The following PDZRN4 variants were observed in gnomAD, a reference collection of about 807,000 sequenced individuals.
The protein encoded by PDZRN4 is PDZ domain-containing RING finger protein 4.
A neutral mutation model predicts 99.0 loss-of-function variants in PDZRN4; 70 were observed. That is an observed-to-expected ratio of 0.71 (90% CI 0.58 to 0.86). PDZRN4 has a LOEUF of 0.86. PDZRN4 is among the 40% of genes least tolerant of loss of function. PDZRN4 has a pLI of 0.00. For missense variants in PDZRN4, 1,474 were observed against 1,331.2 expected (o/e 1.11, Z -1.67); for synonymous variants, 551 against 501.6 (o/e 1.10, Z -1.32).
intron 3 of PDZRN4, among the ~76,000 whole-genome samples, chr12:41,447,941 G>C (rs1041686568): frequency 6.6e-6 from 1 of 152,112 alleles, no homozygotes; most frequent in African/African-American, 2.4e-5. Context: ...AAAGAAGTAA[G>C]AGAATCAATA....
chr12:41,193,940 A>G (rs1376911185), intron 2 of PDZRN4, 141 bp from the exon 3 acceptor site: 8 of 592,630 alleles, frequency 1.3e-5, no homozygotes, highest in Non-Finnish European at 2.1e-5. Context: ...GTGTTAAGTA[A>G]GTTAAAATTC....
chr12:41,492,388 G>C (rs965981166), intron 3 of PDZRN4, among the ~76,000 whole-genome samples: 23 of 152,280 alleles, frequency 1.5e-4, no homozygotes, highest in Non-Finnish European at 3.1e-4. Context: ...GGTCAGAAGA[G>C]CAAAATTATG....
chr12:41,306,763 C>T (rs1951573010), intron 3 of PDZRN4, among the ~76,000 whole-genome samples: 1 of 152,198 alleles, frequency 6.6e-6, no homozygotes, highest in South Asian at 2.1e-4. Context: ...AACACTTTCA[C>T]TCCCAAGTTC....
At chr12:41,488,643 A>G (rs1037032372) in intron 3 of PDZRN4, among the ~76,000 whole-genome samples, 2 of 152,198 alleles carry the variant, frequency 1.3e-5, no homozygotes, top group Admixed American at 6.5e-5. Context: ...GCCATAGTGG[A>G]AGAACGACAA....
chr12:41,381,047 C>T (rs1375105761), intron 3 of PDZRN4, among the ~76,000 whole-genome samples: 1 of 152,040 alleles, frequency 6.6e-6, no homozygotes, highest in African/African-American at 2.4e-5. Flanking sequence ...ACATATCACC[C>T]CACTGTCTGC....
Position 41,439,831 on chromosome 12 carries a change from A to G in PDZRN4, c.844-66625A>G, listed in dbSNP as rs766342544. 5.4e-4 allele frequency among the ~76,000 whole-genome samples: 82 copies of G among 152,206 alleles called. 1 individual carries two copies. The highest frequency in any genetic ancestry group is 7.3e-5 in the Non-Finnish European group (5 of 68,034). On this transcript the variant is annotated intron_variant, in intron 3 of 9. Coordinates refer to ENST00000402685, the MANE Select transcript of PDZRN4 (RefSeq NM_001164595.2). ...TTAACTGGCTTTTATTAGATAAGCTAAAGCCCCAGCTTAAAGGTCTTGCAT... is the reference window on the plus strand; with the variant it reads ...TTAACTGGCTTTTATTAGATAAGCTGAAGCCCCAGCTTAAAGGTCTTGCAT...
chr12:41,289,658 C>T (rs1252338679), intron 3 of PDZRN4, among the ~76,000 whole-genome samples: 1 of 151,402 alleles, frequency 6.6e-6, no homozygotes, highest in Non-Finnish European at 1.5e-5. Flanking sequence ...GCACGGCATG[C>T]TTTCACGCAT....
intron 3 of PDZRN4, among the ~76,000 whole-genome samples, chr12:41,416,677 C>A (rs569016800): frequency 1.3e-5 from 2 of 152,116 alleles, no homozygotes; most frequent in African/African-American, 4.8e-5. Context: ...AGAAAATGGT[C>A]TTTTACTTTT....
At chr12:41,408,815 C>A (rs530907692) in intron 3 of PDZRN4, among the ~76,000 whole-genome samples, 1 of 151,282 alleles carries the variant, frequency 6.6e-6, no homozygotes, top group Non-Finnish European at 1.5e-5. Flanking sequence ...GTCTCTCTTG[C>A]GCTCTCTCTC....
chr12:41,256,839 T>A (rs1176526345), intron 3 of PDZRN4, among the ~76,000 whole-genome samples: 1 of 152,182 alleles, frequency 6.6e-6, no homozygotes, highest in Non-Finnish European at 1.5e-5. Context: ...TGTCCATTCA[T>A]CCAATTGAAT....
At chr12:41,199,114 C>G (rs1566353716) in intron 3 of PDZRN4, among the ~76,000 whole-genome samples, 1 of 152,074 alleles carries the variant, frequency 6.6e-6, no homozygotes, top group Non-Finnish European at 1.5e-5. Context: ...TCTGTATATA[C>G]CTAATGAAAC....
intron 7 of PDZRN4, 89 bp downstream of exon 7, chr12:41,555,849 A>T: frequency 8.9e-7 from 1 of 1,120,824 alleles, no homozygotes; most frequent in Non-Finnish European, 1.3e-6. Context: ...TGAGAAAAGA[A>T]TTTGTCTTTG....
intron 5 of PDZRN4, among the ~76,000 whole-genome samples, chr12:41,528,917 C>CT (rs542024732): frequency 8.0e-5 from 12 of 150,752 alleles, no homozygotes; most frequent in East Asian, 1.9e-4. Flanking sequence ...TTTTTAAGTC[C>CT]TTTTTTTTTG....
At chr12:41,422,421 G>A (rs950107338) in intron 3 of PDZRN4, among the ~76,000 whole-genome samples, 2 of 152,050 alleles carry the variant, frequency 1.3e-5, no homozygotes, top group African/African-American at 4.8e-5. Context: ...CACTAGAAAT[G>A]GATATGTCCA....
At position 41,509,911 on chromosome 12, in the gene PDZRN4, G is replaced by C; in HGVS notation, c.1201G>C (p.Glu401Gln). The C allele has an allele frequency of 6.7e-7, 1 of 1,490,756 alleles. No homozygotes were observed. Among genetic ancestry groups the C allele is most frequent in the South Asian group, 1.2e-5 (1 of 86,122 alleles). 92.3% of individuals were successfully genotyped at this position (1,490,756 alleles called of 1,614,324 possible). A position where few individuals can be genotyped will look rare whatever the true frequency, so the allele number is the denominator to read the frequency against. The change falls in exon 5 of 10, where the codon GAG (glutamate) becomes CAG (glutamine). Residue 401 changes from glutamate (E) to glutamine (Q), a missense_variant and splice_region_variant. Physicochemically the swap from Glu to Gln is conservative, Grantham distance 29 (BLOSUM62 2). Coordinates refer to ENST00000402685, the MANE Select transcript of PDZRN4 (RefSeq NM_001164595.2). ...DADRTEDFEY[E>Q]EVELCRVSSQ... Reference sequence around the variant, plus strand: ...AGACAGAACAGAAGACTTTGAATATGAGGTAAGGTCATTTTCATACCACTT... The same window carrying C: ...AGACAGAACAGAAGACTTTGAATATCAGGTAAGGTCATTTTCATACCACTT...
chr12:41,480,881 G>C (rs1937662171), intron 3 of PDZRN4, among the ~76,000 whole-genome samples: 1 of 151,480 alleles, frequency 6.6e-6, no homozygotes, highest in Admixed American at 6.6e-5. Flanking sequence ...TTCAAAACAT[G>C]ACTAAATCAA....
intron 3 of PDZRN4, among the ~76,000 whole-genome samples, chr12:41,415,902 C>T (rs993729706): frequency 1.3e-5 from 2 of 152,074 alleles, no homozygotes; most frequent in African/African-American, 4.8e-5. Flanking sequence ...TATTTTCATG[C>T]TTGTGAATAT....
intron 5 of PDZRN4, among the ~76,000 whole-genome samples, chr12:41,525,857 C>T (rs1938559368): frequency 6.6e-6 from 1 of 151,992 alleles, no homozygotes; most frequent in South Asian, 2.1e-4. Context: ...AAAAAAAATT[C>T]AAATTAAGCC....
chr12:41,332,615 TGTG>T (rs1352039967), intron 3 of PDZRN4, among the ~76,000 whole-genome samples: 1 of 151,638 alleles, frequency 6.6e-6, no homozygotes, highest in Non-Finnish European at 1.5e-5. Flanking sequence ...CTGAAGTTTG[TGTG>T]GTAAGGAAGA....
Sources: allele counts gnomAD v4.1 joint callset (sites outside exome capture counted in the v4.1 genomes callset), GRCh38; gene constraint gnomAD v4.1.1; transcripts MANE v1.5; gene names NCBI Gene and HGNC (gene_info 2026-07-23, HGNC 2026-07-21).